The following RPIA variants were observed in gnomAD, a reference collection of about 807,000 sequenced individuals.
RPIA encodes ribose 5-phosphate isomerase A.
Under a neutral mutation model 37.8 loss-of-function variants are expected in RPIA, and 29 were observed. The observed-to-expected ratio is 0.77, with a 90% confidence interval of 0.57 to 1.05. The LOEUF is 1.05. RPIA is among the 50% of genes least tolerant of loss of function. The pLI, the probability that RPIA is intolerant of heterozygous loss-of-function variation, is 0.00. For synonymous variants in RPIA, 167 were observed against 157.0 expected (o/e 1.06, Z -0.48); for missense variants, 385 against 413.6 (o/e 0.93, Z 0.60).
At chr2:88,698,362 G>C (rs112624162) in intron 1 of RPIA, 122 bp from the exon 2 acceptor site, 3 of 859,288 alleles carry the variant, frequency 3.5e-6, no homozygotes, top group Admixed American at 1.8e-5. Flanking sequence ...CACAGTACCT[G>C]TCTTGTACCT....
Position 88,734,542 on chromosome 2 carries a change from C to T in RPIA, c.463-10C>T, listed in dbSNP as rs746944729. The T allele has an allele frequency of 3.7e-6, 6 of 1,614,044 alleles. No homozygotes were observed. Among genetic ancestry groups the T allele is most frequent in the Admixed American group, 1.7e-5 (1 of 60,006 alleles). On this transcript the variant is annotated splice_polypyrimidine_tract_variant and intron_variant, in intron 4 of 8. Coordinates refer to ENST00000283646, the MANE Select transcript of RPIA (RefSeq NM_144563.3). ...GTGGTTTTTGTATCTTTACCTTTCC[C>T]CCAATACAGATCGACCTTGCCATCG...
intron 3 of RPIA, among the ~76,000 whole-genome samples, chr2:88,715,981 A>G (rs1673030749): frequency 6.6e-6 from 1 of 152,180 alleles, no homozygotes; most frequent in Admixed American, 6.5e-5. Flanking sequence ...TTTCCAAATA[A>G]GAGCTACAAA....
chr2:88,705,792 T>G (rs963412588), intron 3 of RPIA, among the ~76,000 whole-genome samples: 1 of 152,062 alleles, frequency 6.6e-6, no homozygotes, highest in Admixed American at 6.5e-5. Flanking sequence ...GGGAGAAAAT[T>G]TTTGCAATCT....
intron 1 of RPIA, among the ~76,000 whole-genome samples, chr2:88,694,990 A>AAAAAAAAG (rs1553418580): frequency 1.3e-5 from 2 of 151,464 alleles, no homozygotes; most frequent in South Asian, 2.1e-4. Flanking sequence ...AAAAAAAAAA[A>AAAAAAAAG]AAAAAGAAAA....
intron 1 of RPIA, among the ~76,000 whole-genome samples, chr2:88,694,720 G>A (rs1353425453): frequency 6.6e-6 from 1 of 152,008 alleles, no homozygotes; most frequent in African/African-American, 2.4e-5. Flanking sequence ...TTTCTGTCTT[G>A]GAGCTGGCTG....
At chr2:88,724,397 C>T (rs1283933657) in intron 3 of RPIA, among the ~76,000 whole-genome samples, 2 of 151,038 alleles carry the variant, frequency 1.3e-5, no homozygotes, top group Non-Finnish European at 3.0e-5. Context: ...ACCTCCACCT[C>T]CCAGGTTCAA....
intron 5 of RPIA, among the ~76,000 whole-genome samples, 169 bp from the exon 6 acceptor site, chr2:88,735,500 C>T (rs1291360888): frequency 6.6e-6 from 1 of 152,210 alleles, no homozygotes; most frequent in African/African-American, 2.4e-5. Context: ...TTCTAGAGTC[C>T]ATTTACTAGG....
intron 8 of RPIA, among the ~76,000 whole-genome samples, chr2:88,743,951 A>G (rs1673411566): frequency 6.6e-6 from 1 of 152,058 alleles, no homozygotes; most frequent in South Asian, 2.1e-4. Context: ...TTATCTTTTC[A>G]AAGAACCAGG....
intron 3 of RPIA, among the ~76,000 whole-genome samples, chr2:88,723,401 G>A (rs1172142428): frequency 2.0e-5 from 3 of 152,146 alleles, no homozygotes; most frequent in Non-Finnish European, 4.4e-5. Context: ...GCCTTCCATC[G>A]TCATGGAAAC....
intron 3 of RPIA, among the ~76,000 whole-genome samples, chr2:88,714,022 T>C (rs1673001137): frequency 1.3e-5 from 2 of 152,132 alleles, no homozygotes; most frequent in Admixed American, 1.3e-4. Context: ...GGAGGTACAC[T>C]TCACAGTAAA....
At chr2:88,701,549 C>T (rs1672831941) in intron 3 of RPIA, among the ~76,000 whole-genome samples, 1 of 3,330 alleles carries the variant, frequency 3.0e-4, no homozygotes, top group Non-Finnish European at 5.2e-4. Flanking sequence ...CTCTTATTAC[C>T]TCCCACCCCT....
intron 1 of RPIA, among the ~76,000 whole-genome samples, chr2:88,697,818 G>A (rs776238016): frequency 6.6e-6 from 1 of 152,172 alleles, no homozygotes; most frequent in Non-Finnish European, 1.5e-5. Flanking sequence ...CTAGGCAGAT[G>A]CTGACATACT....
At position 88,701,268 on chromosome 2, in the gene RPIA, A is replaced by T. The variant is rs570662726; in HGVS notation, c.402+1204A>T. On this transcript the variant is annotated intron_variant, in intron 3 of 8. Transcript: ENST00000283646. ...TATATAGCTTTTTTTTTTTTTTTTT[A>T]AATCCTGCTTTCTTGAGGCAATGCT... Among the ~76,000 whole-genome samples, 50 of 114,412 alleles carry T rather than the reference A, an allele frequency of 4.4e-4. 1 individual carries two copies. The South Asian group carries it at 7.0e-3, about 16-fold the overall frequency. The allele number at this position is 114,412 out of a possible 152,430, so 75.1% of individuals were successfully genotyped here.
At position 88,691,804 on chromosome 2, in the gene RPIA, C is replaced by T. The variant is rs201777997; in HGVS notation, c.106C>T (p.Leu36Phe). Residue 36 changes from leucine (L) to phenylalanine (F), a missense_variant, in exon 1 of 9, where the codon CTC (leucine) becomes TTC (phenylalanine). Leu to Phe is a conservative substitution (Grantham distance 22). Around this residue, in one of 2 missense-constraint regions of RPIA, gnomAD observed 232 missense variants for 203.0 expected, o/e 1.14. Coordinates refer to ENST00000283646, the MANE Select transcript of RPIA (RefSeq NM_144563.3). ...ASGGGGNSWD[L>F]PGSHVRLPGR... is the part of the protein sequence containing the mutation. ...CGGCGGAGGAGGGAACAGCTGGGAC[C>T]TCCCGGGTTCCCACGTGCGGCTGCC... 8.1e-6 allele frequency: 13 copies of T among 1,595,144 alleles called. No homozygotes were observed. The highest frequency in any genetic ancestry group is 3.4e-5 in the South Asian group (3 of 89,240).
chr2:88,707,586 C>T (rs1350087744), intron 3 of RPIA, among the ~76,000 whole-genome samples: 1 of 152,176 alleles, frequency 6.6e-6, no homozygotes, highest in Non-Finnish European at 1.5e-5. Context: ...TCCCTGGTAA[C>T]ATTCCCAAGT....
chr2:88,700,203 C>A, intron 3 of RPIA, 139 bp downstream of exon 3: 1 of 809,470 alleles, frequency 1.2e-6, no homozygotes, highest in Non-Finnish European at 2.2e-6. Flanking sequence ...GTTTATTGAC[C>A]AAGGATTCCT....
chr2:88,728,478 C>T (rs1330635928), intron 3 of RPIA, among the ~76,000 whole-genome samples: 3 of 152,140 alleles, frequency 2.0e-5, no homozygotes, highest in African/African-American at 4.8e-5. Context: ...GTTGTGAAGG[C>T]TTGTCTTTAC....
At chr2:88,738,122 C>T in intron 8 of RPIA, 46 bp downstream of exon 8, 1 of 1,367,144 alleles carries the variant, frequency 7.3e-7, no homozygotes. Context: ...CCATGGCCTT[C>T]ATAACTGGCC....
At chr2:88,736,017 A>G (rs1281581581) in intron 6 of RPIA, among the ~76,000 whole-genome samples, 1 of 152,190 alleles carries the variant, frequency 6.6e-6, no homozygotes, top group Admixed American at 6.5e-5. Flanking sequence ...CTGTTAGCAG[A>G]GCATGCTCTC....
Sources: gnomAD v4.1 joint callset for allele counts (sites outside exome capture counted in the v4.1 genomes callset) on GRCh38, gnomAD v4.1.1 for gene constraint, gnomAD v4.1.1 regional missense constraint, MANE v1.5 for transcripts, NCBI Gene and HGNC (gene_info 2026-07-23, HGNC 2026-07-21) for gene names.